Variants in CNTN3 observed in about 807,000 individuals in gnomAD.
The protein encoded by CNTN3 is contactin-3.
CNTN3 carries 60 observed loss-of-function variants against 119.1 expected under a neutral mutation model. The observed-to-expected ratio is 0.50, with a 90% CI of 0.41 to 0.62. The LOEUF is 0.62. Among genes scored for constraint, CNTN3 ranks in the 20% least tolerant of loss-of-function variants. The pLI, the probability that CNTN3 is intolerant of heterozygous loss-of-function variation, is 0.00. For synonymous variants in CNTN3, 450 were observed against 438.7 expected (o/e 1.03, Z -0.32); for missense variants, 1,101 against 1,242.4 (o/e 0.89, Z 1.71).
At chr3:74,451,149 A>G (rs1017656303) in intron 4 of CNTN3, among the ~76,000 whole-genome samples, 1 of 151,946 alleles carries the variant, frequency 6.6e-6, no homozygotes, top group Non-Finnish European at 1.5e-5. Context: ...AAGTGTTCCT[A>G]TTTCTCCACA....
intron 4 of CNTN3, among the ~76,000 whole-genome samples, chr3:74,479,735 G>A (rs1161419241): frequency 1.3e-5 from 2 of 151,942 alleles, no homozygotes; most frequent in African/African-American, 4.8e-5. Flanking sequence ...GAGTGATGGT[G>A]AAGGGAGATC....
At chr3:74,364,634 A>T (rs770036461) in intron 9 of CNTN3, 38 bp from the exon 10 acceptor site, 1 of 1,524,790 alleles carries the variant, frequency 6.6e-7, no homozygotes, top group Non-Finnish European at 9.0e-7. Context: ...ATAAACAAAC[A>T]TACCACTTTA....
chr3:74,378,675 T>A (rs984043865), intron 5 of CNTN3, among the ~76,000 whole-genome samples: 2 of 152,236 alleles, frequency 1.3e-5, no homozygotes, highest in Non-Finnish European at 2.9e-5. Context: ...GCTTTTATGC[T>A]AATAAAGAGT....
chr3:74,528,728 C>T (rs1559647003), intron 1 of CNTN3, among the ~76,000 whole-genome samples: 1 of 151,868 alleles, frequency 6.6e-6, no homozygotes, highest in East Asian at 1.9e-4. Flanking sequence ...TGAAGTATAA[C>T]CTGATATTTT....
chr3:74,283,543 T>G (rs1363423841), intron 20 of CNTN3, among the ~76,000 whole-genome samples: 1 of 152,196 alleles, frequency 6.6e-6, no homozygotes, highest in Non-Finnish European at 1.5e-5. Flanking sequence ...CTCTTCCTTC[T>G]GTCTTACTAA....
At chr3:74,322,674 C>CAATAA (rs1703025229) in intron 13 of CNTN3, among the ~76,000 whole-genome samples, 1 of 152,114 alleles carries the variant, frequency 6.6e-6, no homozygotes, top group Non-Finnish European at 1.5e-5. Context: ...AACTTATGTC[C>CAATAA]AATAAAAAAC....
intron 5 of CNTN3, among the ~76,000 whole-genome samples, chr3:74,418,312 G>A (rs573214886): frequency 1.3e-5 from 2 of 149,108 alleles, no homozygotes; most frequent in African/African-American, 4.9e-5. Context: ...ACAAACATGA[G>A]CCACCATGTC....
intron 1 of CNTN3, among the ~76,000 whole-genome samples, chr3:74,525,089 A>C (rs1474420085): frequency 6.6e-6 from 1 of 151,828 alleles, no homozygotes; most frequent in Non-Finnish European, 1.5e-5. Flanking sequence ...TCATATTTGA[A>C]ATAAACATTC....
chr3:74,454,994 C>T (rs1396901353), intron 4 of CNTN3, among the ~76,000 whole-genome samples: 1 of 152,068 alleles, frequency 6.6e-6, no homozygotes, highest in Non-Finnish European at 1.5e-5. Flanking sequence ...CTTGGAGTTG[C>T]TCTTCTCAAA....
Position 74,371,268 on chromosome 3 carries a change from A to G in CNTN3, c.586T>C (p.Cys196Arg). The G allele has an allele frequency of 6.2e-7, 1 of 1,613,550 alleles. No individual in the cohort carries two copies. The highest frequency in any genetic ancestry group is 1.1e-5 in the South Asian group (1 of 91,074). Residue 196 changes from cysteine (C) to arginine (R), a missense_variant, in exon 6 of 23, where the codon TGT (cysteine) becomes CGT (arginine). Coordinates refer to ENST00000263665, the MANE Select transcript of CNTN3 (RefSeq NM_020872.3). ...TTTGTCACCATACTTGTCACCACAC[A>G]TGTGTAATTTCCCACATCAGACGGC... ...VEPSDVGNYT[C>R]VVTSMVTNAR...
At chr3:74,369,742 T>C in intron 7 of CNTN3, 147 bp downstream of exon 7, 1 of 575,616 alleles carries the variant, frequency 1.7e-6, no homozygotes. Context: ...ATTTTATATG[T>C]GCATTTCCCC....
intron 8 of CNTN3, among the ~76,000 whole-genome samples, chr3:74,367,999 C>A (rs769187459): frequency 1.3e-5 from 2 of 151,978 alleles, no homozygotes; most frequent in Admixed American, 6.6e-5. Context: ...TCCCTCACCC[C>A]CTATTTCCAT....
chr3:74,369,542 G>A (rs890871597), intron 7 of CNTN3, among the ~76,000 whole-genome samples, 169 bp from the exon 8 acceptor site: 2 of 151,490 alleles, frequency 1.3e-5, no homozygotes, highest in Admixed American at 1.3e-4. Context: ...AACTCTTTAA[G>A]TTGATATTTT....
intron 1 of CNTN3, among the ~76,000 whole-genome samples, chr3:74,567,623 T>G (rs559844493): frequency 2.0e-5 from 3 of 152,106 alleles, no homozygotes; most frequent in South Asian, 2.1e-4. Context: ...AGGGGGCACT[T>G]GCATATCCTC....
chr3:74,570,767 A>C (rs1449531882), intron 1 of CNTN3, among the ~76,000 whole-genome samples: 4 of 152,286 alleles, frequency 2.6e-5, no homozygotes, highest in Non-Finnish European at 5.9e-5. Flanking sequence ...CTGAAGAATC[A>C]CCAATTCTCT....
At chr3:74,479,975 A>C (rs189167315) in intron 4 of CNTN3, among the ~76,000 whole-genome samples, 40 of 152,238 alleles carry the variant, frequency 2.6e-4, no homozygotes, top group Admixed American at 9.8e-4. Flanking sequence ...TTAGAAAAAG[A>C]AAAATCATGC....
intron 5 of CNTN3, among the ~76,000 whole-genome samples, chr3:74,406,961 A>G (rs1175961662): frequency 6.6e-6 from 1 of 152,154 alleles, no homozygotes; most frequent in Non-Finnish European, 1.5e-5. Flanking sequence ...ATTATGCTGA[A>G]TCTTGAAAAG....
chr3:74,609,573 C>T (rs1020730137), intron 1 of CNTN3, among the ~76,000 whole-genome samples: 11 of 152,096 alleles, frequency 7.2e-5, no homozygotes, highest in Non-Finnish European at 1.6e-4. Flanking sequence ...ATGATAATTC[C>T]ATTTTGGACA....
intron 11 of CNTN3, among the ~76,000 whole-genome samples, chr3:74,349,687 G>A (rs1200933819): frequency 1.3e-5 from 2 of 152,182 alleles, no homozygotes; most frequent in African/African-American, 4.8e-5. Flanking sequence ...AGCATGTAAT[G>A]ATATTGGGCG....
Sources: allele counts gnomAD v4.1 joint callset (sites outside exome capture counted in the v4.1 genomes callset), GRCh38; gene constraint gnomAD v4.1.1; transcripts MANE v1.5; gene names NCBI Gene and HGNC (gene_info 2026-07-23, HGNC 2026-07-21).